The following PLEKHM3 variants were observed in gnomAD, a reference collection of about 807,000 sequenced individuals.
The protein encoded by PLEKHM3 is pleckstrin homology domain-containing family M member 3.
PLEKHM3 carries 45 observed loss-of-function variants against 81.8 expected under a neutral mutation model. The ratio of observed to expected loss-of-function variants is 0.55; its 90% CI spans 0.43 to 0.71. PLEKHM3 has a LOEUF of 0.71. PLEKHM3 is among the 30% of genes least tolerant of loss of function. PLEKHM3 has a pLI of 0.00. For missense variants in PLEKHM3, 788 were observed against 924.3 expected (o/e 0.85, Z 1.91); for synonymous variants, 352 against 356.4 (o/e 0.99, Z 0.14).
At chr2:207,857,376 C>T (rs2092442303) in intron 7 of PLEKHM3, among the ~76,000 whole-genome samples, 1 of 151,952 alleles carries the variant, frequency 6.6e-6, no homozygotes, top group Non-Finnish European at 1.5e-5. Context: ...TTTTTTGCAA[C>T]TCTAGTATCT....
At chr2:207,934,552 G>A (rs1689686713) in intron 4 of PLEKHM3, among the ~76,000 whole-genome samples, 1 of 152,146 alleles carries the variant, frequency 6.6e-6, no homozygotes, top group Admixed American at 6.5e-5. Flanking sequence ...CTGTGACAGT[G>A]ATTGTGCTGC....
chr2:207,911,956 G>T (rs1259166731), intron 5 of PLEKHM3, among the ~76,000 whole-genome samples: 3 of 152,144 alleles, frequency 2.0e-5, no homozygotes, highest in African/African-American at 7.2e-5. Flanking sequence ...GGATATACAG[G>T]ATATCAGACT....
At chr2:207,955,222 T>C (rs1690463218) in intron 3 of PLEKHM3, among the ~76,000 whole-genome samples, 1 of 152,180 alleles carries the variant, frequency 6.6e-6, no homozygotes, top group South Asian at 2.1e-4. Context: ...AGTGCTTTTA[T>C]TGGTGTAAGA....
Position 208,001,516 on chromosome 2 carries a change from C to A in PLEKHM3, c.124G>T (p.Val42Phe), listed in dbSNP as rs780983958. ...QQAEVYGIQE[V>F]PELVGHEVLS... ...ACCTCATGCCCCACCAGTTCAGGGA[C>A]TTCCTGGATCCCATAAACCTCTGCC... is the stretch of plus-strand genomic sequence containing the variant. Residue 42 changes from valine to phenylalanine, a missense_variant, in exon 2 of 8, where the codon GTC becomes TTC. Transcript: ENST00000427836. 3 of 1,614,220 alleles carry A rather than the reference C, an allele frequency of 1.9e-6. No homozygotes were observed. The highest frequency in any genetic ancestry group is 1.7e-6 in the Non-Finnish European group (2 of 1,180,040).
chr2:207,965,405 C>T (rs78268738), intron 3 of PLEKHM3, among the ~76,000 whole-genome samples: 11 of 148,018 alleles, frequency 7.4e-5, no homozygotes, highest in African/African-American at 2.7e-4. Flanking sequence ...AAAAAAAAAA[C>T]GACAGCACAG....
In PLEKHM3 at chr2:207,942,766, G is replaced by A. The variant is rs143970045; in HGVS notation, c.1692+3601C>T. Among the ~76,000 whole-genome samples the A allele has an allele frequency of 2.7e-3, 416 of 152,276 alleles. 6 individuals carry two copies. Among genetic ancestry groups the A allele is most frequent in the African/African-American group, 9.5e-3 (395 of 41,554 alleles). ...AATACAAAAACTAGCTGGGTGTGGT[G>A]GCATGTGCCTGTAGTTCCAGTTACT... is the stretch of plus-strand genomic sequence containing the variant. On this transcript the variant is annotated intron_variant, in intron 4 of 7. Transcript: ENST00000427836.
intron 7 of PLEKHM3, among the ~76,000 whole-genome samples, chr2:207,831,295 G>A (rs1208687672): frequency 1.3e-5 from 2 of 152,222 alleles, no homozygotes; most frequent in African/African-American, 4.8e-5. Flanking sequence ...TACCGGGGAC[G>A]CAGTGAGTTG....
chr2:207,868,253 A>G (rs2092512787), intron 6 of PLEKHM3, among the ~76,000 whole-genome samples: 1 of 146,716 alleles, frequency 6.8e-6, no homozygotes, highest in African/African-American at 2.6e-5. Flanking sequence ...TGACTTCCTT[A>G]ACTGGTCAAA....
chr2:207,830,419 G>A (rs2092279324), intron 7 of PLEKHM3, among the ~76,000 whole-genome samples: 1 of 151,958 alleles, frequency 6.6e-6, no homozygotes, highest in South Asian at 2.1e-4. Context: ...ATCAAGACCA[G>A]CCTGGCCAAC....
intron 1 of PLEKHM3, among the ~76,000 whole-genome samples, chr2:208,009,638 C>A (rs1692620476): frequency 1.3e-5 from 2 of 152,190 alleles, no homozygotes; most frequent in Admixed American, 6.5e-5. Flanking sequence ...AACACGCCTA[C>A]CTACTGGACT....
At position 207,828,422 on chromosome 2, in the gene PLEKHM3, C is replaced by T. The variant is rs375834227; in HGVS notation, c.2183G>A (p.Arg728Gln). 53 of 1,613,952 alleles carry T rather than the reference C, an allele frequency of 3.3e-5. No individual in the cohort carries two copies. Among genetic ancestry groups the T allele is most frequent in the African/African-American group, 4.0e-5 (3 of 74,864 alleles). ...KSVPCPRCVR[R>Q]ELQKKQKSFW... ...AGACTTCTGCTTCTTCTGCAGCTCT[C>T]GGCGAACACACCTCGGGCAGGGGAC... The change falls in exon 8 of 8, where the codon CGA (arginine) becomes CAA (glutamine). Residue 728 changes from arginine (R) to glutamine (Q), a missense_variant. Physicochemically the swap from Arg to Gln is conservative, Grantham distance 43. Transcript: ENST00000427836.
chr2:208,010,579 C>CT (rs60924874), intron 1 of PLEKHM3, among the ~76,000 whole-genome samples: 8,155 of 152,222 alleles, frequency 0.054, 695 homozygotes, highest in African/African-American at 0.18. Context: ...ATGATAAAAA[C>CT]TTTATCAGCC....
chr2:208,012,414 CAAAGA>C (rs1439198767), intron 1 of PLEKHM3, among the ~76,000 whole-genome samples: 1 of 152,082 alleles, frequency 6.6e-6, no homozygotes, highest in African/African-American at 2.4e-5. Flanking sequence ...TTGTAGTTCC[CAAAGA>C]AAAGAAAACG....
chr2:207,923,792 T>C (rs536047674), intron 5 of PLEKHM3, among the ~76,000 whole-genome samples: 2 of 144,136 alleles, frequency 1.4e-5, no homozygotes, highest in East Asian at 4.1e-4. Context: ...AATGTCATGA[T>C]TAACTGAAAC....
At chr2:207,858,816 A>G (rs1385430655) in intron 7 of PLEKHM3, among the ~76,000 whole-genome samples, 1 of 152,116 alleles carries the variant, frequency 6.6e-6, no homozygotes, top group Non-Finnish European at 1.5e-5. Flanking sequence ...TTCACGTACC[A>G]TAAAACTCAC....
In PLEKHM3 at chr2:208,025,066, G is replaced by A. The variant is rs981927985; in HGVS notation, c.-319+323C>T. Among the ~76,000 whole-genome samples, 48 of 152,182 alleles carry A rather than the reference G, an allele frequency of 3.2e-4. 1 individual carries two copies. Among genetic ancestry groups the A allele is most frequent in the African/African-American group, 1.0e-3 (42 of 41,440 alleles). The stretch of plus-strand genomic sequence containing the variant: ...GATGTAGGTTAAAAGCTCTGCTGGG[G>A]TTTGGTTTTATAATCCCCAGGCGGG... On this transcript the variant is annotated intron_variant, in intron 1 of 7. Coordinates refer to ENST00000427836, the MANE Select transcript of PLEKHM3 (RefSeq NM_001080475.3).
intron 6 of PLEKHM3, among the ~76,000 whole-genome samples, chr2:207,891,985 T>A (rs1688073978): frequency 6.6e-6 from 1 of 152,162 alleles, no homozygotes. Flanking sequence ...CATAAAATGG[T>A]ACCCTCTTGG....
intron 3 of PLEKHM3, among the ~76,000 whole-genome samples, chr2:207,966,134 A>G (rs1574451547): frequency 6.6e-6 from 1 of 152,256 alleles, no homozygotes; most frequent in Non-Finnish European, 1.5e-5. Context: ...AGGACACAAA[A>G]TGAGACTGAT....
chr2:207,906,512 G>T (rs1331699035), intron 6 of PLEKHM3, among the ~76,000 whole-genome samples: 2 of 152,204 alleles, frequency 1.3e-5, no homozygotes, highest in Admixed American at 1.3e-4. Context: ...TTTCTGGCAG[G>T]GAGCAGAGGC....
Sources: allele counts gnomAD v4.1 joint callset (sites outside exome capture counted in the v4.1 genomes callset), GRCh38; gene constraint gnomAD v4.1.1; transcripts MANE v1.5; gene names NCBI Gene and HGNC (gene_info 2026-07-23, HGNC 2026-07-21).